The following NEK11 variants were observed in gnomAD, a reference collection of about 807,000 sequenced individuals.
The protein encoded by NEK11 is NIMA related kinase 11.
In NEK11, 72 loss-of-function variants were observed where a neutral mutation model predicts 80.7. That is an observed-to-expected ratio of 0.89 (90% CI 0.74 to 1.08). NEK11 has a LOEUF of 1.08. Among genes scored for constraint, NEK11 ranks in the 50% least tolerant of loss-of-function variants. NEK11 has a pLI of 0.00. For synonymous variants in NEK11, 251 were observed against 260.7 expected, an observed-to-expected ratio of 0.96 and a Z score of 0.36; for missense variants, 764 against 763.6, an observed-to-expected ratio of 1.00 and a Z score of -0.01.
chr3:131,160,062 C>T (rs1480425428), intron 10 of NEK11, among the ~76,000 whole-genome samples: 8 of 152,266 alleles, frequency 5.3e-5, no homozygotes, highest in African/African-American at 1.7e-4. Context: ...CACTCAAATT[C>T]AGAAAATGCA....
intron 16 of NEK11, among the ~76,000 whole-genome samples, chr3:131,254,491 G>A (rs932152497): frequency 2.6e-5 from 4 of 152,088 alleles, no homozygotes; most frequent in Admixed American, 2.0e-4. Context: ...CAGAGATTAA[G>A]GAATTATTAC....
Position 131,349,633 on chromosome 3 carries a change from G to T in NEK11, c.1795G>T (p.Ala599Ser). Reference protein sequence around the residue: ...NYLKRARHQNASEAEIRECLE... With the variant: ...NYLKRARHQNSSEAEIRECLE... ...CCTCAAGAGAGCAAGGCATCAGAAT[G>T]CTAGCGAAGCAGAGATCCGCGAGTG... Residue 599 changes from alanine (A) to serine (S), a missense_variant, in exon 18 of 18, where the codon GCT (alanine) becomes TCT (serine). Transcript: ENST00000383366. The T allele has an allele frequency of 6.2e-7, 1 of 1,614,182 alleles. No homozygotes were observed. Among genetic ancestry groups the T allele is most frequent in the East Asian group, 2.2e-5 (1 of 44,874 alleles).
chr3:131,202,726 T>C (rs1256224888), intron 14 of NEK11, among the ~76,000 whole-genome samples: 1 of 151,970 alleles, frequency 6.6e-6, no homozygotes, highest in African/African-American at 2.4e-5. Flanking sequence ...TAAACAAATT[T>C]ACGAGAAAAA....
At chr3:131,264,128 A>C (rs960387914) in intron 16 of NEK11, among the ~76,000 whole-genome samples, 1 of 152,104 alleles carries the variant, frequency 6.6e-6, no homozygotes, top group African/African-American at 2.4e-5. Flanking sequence ...TTGTCAGATG[A>C]GTAGATTGTA....
chr3:131,141,682 A>G (rs1045953378), intron 7 of NEK11, among the ~76,000 whole-genome samples: 2 of 152,240 alleles, frequency 1.3e-5, no homozygotes, highest in Non-Finnish European at 2.9e-5. Flanking sequence ...AAAAATAGTT[A>G]CAAATGACTT....
At chr3:131,263,657 T>C (rs911031158) in intron 16 of NEK11, among the ~76,000 whole-genome samples, 1 of 152,208 alleles carries the variant, frequency 6.6e-6, no homozygotes, top group African/African-American at 2.4e-5. Context: ...TTATTGTGAA[T>C]AGTGCCACAA....
chr3:131,255,080 GA>G (rs1478416430), intron 16 of NEK11, among the ~76,000 whole-genome samples: 40 of 23,508 alleles, frequency 1.7e-3, no homozygotes, highest in African/African-American at 7.3e-3. Flanking sequence ...CAGAAAGAAG[GA>G]AAGAAAGAAA....
At chr3:131,083,335 C>T (rs1272611963) in intron 4 of NEK11, among the ~76,000 whole-genome samples, 1 of 148,624 alleles carries the variant, frequency 6.7e-6, no homozygotes, top group Non-Finnish European at 1.5e-5. Flanking sequence ...GAGCTGCTCT[C>T]CCGGGAGGGG....
intron 17 of NEK11, among the ~76,000 whole-genome samples, chr3:131,340,850 A>G (rs72993136): frequency 0.18 from 27,983 of 152,130 alleles, 4,747 homozygotes; most frequent in African/African-American, 0.44. Flanking sequence ...GATGTTTGAC[A>G]ATCCCTAAAA....
chr3:131,251,130 T>A (rs2095692912), intron 16 of NEK11, among the ~76,000 whole-genome samples: 1 of 150,744 alleles, frequency 6.6e-6, no homozygotes. Flanking sequence ...CCAAAACAGA[T>A]TGTCTAAAAC....
At chr3:131,095,557 G>A (rs561238649) in intron 4 of NEK11, among the ~76,000 whole-genome samples, 6 of 152,012 alleles carry the variant, frequency 3.9e-5, no homozygotes, top group East Asian at 3.9e-4. Context: ...TTAAAATTAC[G>A]AGTGATAGTA....
chr3:131,134,542 A>G (rs768090276), intron 7 of NEK11, among the ~76,000 whole-genome samples: 2,038 of 152,058 alleles, frequency 0.013, 27 homozygotes, highest in East Asian at 0.08. Flanking sequence ...CTGGGACTAC[A>G]GGCTCCCACC....
At chr3:131,278,178 C>T (rs1252644863) in intron 17 of NEK11, among the ~76,000 whole-genome samples, 1 of 152,162 alleles carries the variant, frequency 6.6e-6, no homozygotes, top group Admixed American at 6.5e-5. Flanking sequence ...TGCCATTCTC[C>T]AACTGACTTC....
intron 14 of NEK11, among the ~76,000 whole-genome samples, chr3:131,223,404 C>A (rs548425426): frequency 6.6e-6 from 1 of 152,212 alleles, no homozygotes; most frequent in South Asian, 2.1e-4. Flanking sequence ...TCCTTCTTCC[C>A]CTTCTAGGAG....
intron 10 of NEK11, among the ~76,000 whole-genome samples, chr3:131,156,522 A>G (rs959248704): frequency 4.6e-5 from 7 of 152,170 alleles, no homozygotes; most frequent in Admixed American, 1.3e-4. Flanking sequence ...GGCTGCCTCT[A>G]GTCGGCCATC....
chr3:131,323,057 C>T (rs978448892), intron 17 of NEK11, among the ~76,000 whole-genome samples: 65 of 152,288 alleles, frequency 4.3e-4, no homozygotes, highest in African/African-American at 1.5e-3. Context: ...TTATTCTCAT[C>T]TCATTCCATC....
chr3:131,349,438 C>A, intron 17 of NEK11, 119 bp from the exon 18 acceptor site: 2 of 815,842 alleles, frequency 2.5e-6, no homozygotes, highest in South Asian at 3.6e-5. Flanking sequence ...CTTTTCTTCC[C>A]CCTTTTTTTC....
chr3:131,201,753 T>C (rs1428938992), intron 14 of NEK11, among the ~76,000 whole-genome samples: 2 of 152,150 alleles, frequency 1.3e-5, no homozygotes, highest in Non-Finnish European at 2.9e-5. Flanking sequence ...GCAGGCATCC[T>C]GTATAACTAC....
At chr3:131,309,352 G>A (rs1178480272) in intron 17 of NEK11, among the ~76,000 whole-genome samples, 4 of 152,116 alleles carry the variant, frequency 2.6e-5, no homozygotes, top group African/African-American at 9.7e-5. Flanking sequence ...GCTGGGCTCT[G>A]GCATTATTAT....
Sources: gnomAD v4.1 joint callset for allele counts (sites outside exome capture counted in the v4.1 genomes callset) on GRCh38, gnomAD v4.1.1 for gene constraint, MANE v1.5 for transcripts, NCBI Gene and HGNC (gene_info 2026-07-23, HGNC 2026-07-21) for gene names.